The following HDAC1 variants were observed in gnomAD, a reference collection of about 807,000 sequenced individuals.
HDAC1 encodes protein deacetylase HDAC1.
Under a neutral mutation model 65.5 loss-of-function variants are expected in HDAC1, and 18 were observed. That is an observed-to-expected ratio of 0.27 (90% confidence interval 0.19 to 0.41). The LOEUF (loss-of-function observed/expected upper bound fraction) is 0.41, where lower values mean the gene tolerates loss of function less well. Ranked by LOEUF, HDAC1 falls within the 10% of genes least tolerant of loss-of-function variation. The pLI is 1.00. For missense variants in HDAC1, 373 were observed against 625.2 expected (o/e 0.60, Z 4.30); for synonymous variants, 211 against 227.9 (o/e 0.93, Z 0.67).
intron 1 of HDAC1, among the ~76,000 whole-genome samples, chr1:32,300,553 G>A (rs769297453): frequency 4.6e-5 from 7 of 151,600 alleles, no homozygotes; most frequent in East Asian, 1.9e-4. Flanking sequence ...GTGAGACTCC[G>A]TCTCAAGAAA....
Position 32,327,002 on chromosome 1 carries a change from A to G in HDAC1, c.419A>G (p.His140Arg). The G allele has an allele frequency of 6.2e-7, 1 of 1,614,178 alleles. No homozygotes were observed. Among genetic ancestry groups the G allele is most frequent in the Non-Finnish European group, 8.5e-7 (1 of 1,180,024 alleles). The change falls in exon 5 of 14, where the codon CAC becomes CGC. Residue 140 changes from histidine (H) to arginine (R), a missense_variant. Transcript: ENST00000373548. The surrounding 1 kb of genome is among the most constrained non-coding windows in gnomAD (Gnocchi z 6.0). ...GCTGTGAATTGGGCTGGGGGCCTGCACCATGCAAAGAAGTCCGAGGCATCT... is the reference window on the plus strand; with the variant it reads ...GCTGTGAATTGGGCTGGGGGCCTGCGCCATGCAAAGAAGTCCGAGGCATCT... The part of the protein sequence containing the change: ...DIAVNWAGGL[H>R]HAKKSEASGF...
Position 32,324,460 on chromosome 1 carries a change from T to A in HDAC1, c.281-19T>A, listed in dbSNP as rs567913350. ...TAAAGGAAATTGTGGAAACTAACCTTTTGCTTATTTCTTTCAAGTCAACGT... is the reference window on the plus strand; with the variant it reads ...TAAAGGAAATTGTGGAAACTAACCTATTGCTTATTTCTTTCAAGTCAACGT... On this transcript the variant is annotated intron_variant, in intron 3 of 13. Transcript: ENST00000373548. 1 of 1,575,592 alleles carries A rather than the reference T, an allele frequency of 6.3e-7. No individual in the cohort carries two copies. The highest frequency in any genetic ancestry group is 2.2e-5 in the East Asian group (1 of 44,694).
chr1:32,327,369 T>C lies in HDAC1; in HGVS notation c.495-167T>C, dbSNP rs554049286. 1.5e-5 allele frequency: 10 copies of C among 665,884 alleles called. No homozygotes were observed. The South Asian group carries it at 1.8e-4, about 12-fold the overall frequency. 41.2% of individuals were successfully genotyped at this position (665,884 alleles called of 1,614,324 possible). On this transcript the variant is annotated intron_variant, in intron 5 of 13. Coordinates refer to ENST00000373548, the MANE Select transcript of HDAC1 (RefSeq NM_004964.3). This position sits in a 1 kb window ranked among gnomAD's most constrained non-coding sequence, Gnocchi z 6.0. ...CGGACTTGGTCGGCTTGGTCAGGCC[T>C]CTGGAGACACCCGGCCGCTCTTCCA...
chr1:32,319,017 G>A (rs919526589), intron 3 of HDAC1, among the ~76,000 whole-genome samples: 1 of 152,130 alleles, frequency 6.6e-6, no homozygotes, highest in Admixed American at 6.6e-5. Context: ...TACTCAGGAG[G>A]CTGAGGCAGG....
chr1:32,330,616 G>T lies in HDAC1; in HGVS notation c.768G>T (p.Ala256=). The T allele has an allele frequency of 6.2e-7, 1 of 1,613,888 alleles. No homozygotes were observed. The highest frequency in any genetic ancestry group is 8.5e-7 in the Non-Finnish European group (1 of 1,179,784). The part of the protein sequence containing the change: ...SKVMEMFQPS[A]VVLQCGSDSL... The stretch of plus-strand genomic sequence containing the variant: ...TAATGGAGATGTTCCAGCCTAGTGC[G>T]GTGGTCTTACAGTGTGGCTCAGACT... The change falls in exon 8 of 14, where the codon GCG becomes GCT. Residue 256 remains alanine (A), a synonymous_variant. Transcript: ENST00000373548. The surrounding 1 kb of genome is among the most constrained non-coding windows in gnomAD (Gnocchi z 4.2).
At position 32,329,340 on chromosome 1, in the gene HDAC1, G is replaced by A. The variant is rs1641261012; in HGVS notation, c.729+180G>A. 1.3e-5 allele frequency: 8 copies of A among 612,938 alleles called. No homozygotes were observed. In the Admixed American group the frequency reaches 2.2e-4, roughly 17 times the overall value. 38.0% of individuals were successfully genotyped at this position (612,938 alleles called of 1,614,324 possible). A position where few individuals can be genotyped will look rare whatever the true frequency, so the allele number is the denominator to read the frequency against. On this transcript the variant is annotated intron_variant, in intron 7 of 13. Coordinates refer to ENST00000373548, the MANE Select transcript of HDAC1 (RefSeq NM_004964.3). The surrounding 1 kb of genome is among the most constrained non-coding windows in gnomAD (Gnocchi z 4.1). ...AGGGGAACAAACACCCATATTTATT[G>A]GTTCCTTCTATGGGTCAGGTCTTCT...
In HDAC1 at chr1:32,327,416, C is replaced by T. The variant is rs935580505; in HGVS notation, c.495-120C>T. The T allele has an allele frequency of 1.8e-5, 14 of 790,268 alleles. No individual in the cohort carries two copies. Among genetic ancestry groups the T allele is most frequent in the Admixed American group, 6.3e-5 (3 of 47,992 alleles). The allele number at this position is 790,268 out of a possible 1,614,324, so 49.0% of individuals were successfully genotyped here. A position where few individuals can be genotyped will look rare whatever the true frequency, so the allele number is the denominator to read the frequency against. Reference sequence around the variant, plus strand: ...TCCACCTTCCTTCAGCCAGTTTCCACGTCTCTGGTGCTTAGAGATACCTGA... The same window carrying T: ...TCCACCTTCCTTCAGCCAGTTTCCATGTCTCTGGTGCTTAGAGATACCTGA... On this transcript the variant is annotated intron_variant, in intron 5 of 13. Coordinates refer to ENST00000373548, the MANE Select transcript of HDAC1 (RefSeq NM_004964.3). This position sits in a 1 kb window ranked among gnomAD's most constrained non-coding sequence, Gnocchi z 6.0.
intron 2 of HDAC1, among the ~76,000 whole-genome samples, chr1:32,314,641 A>G (rs1353439457): frequency 1.3e-5 from 2 of 152,026 alleles, no homozygotes; most frequent in Non-Finnish European, 2.9e-5. Flanking sequence ...CCTGGCTAAC[A>G]TGGTGAAACC....
At position 32,330,263 on chromosome 1, in the gene HDAC1, G is replaced by A. The variant is rs183596450; in HGVS notation, c.730-315G>A. 6 of 347,592 alleles carry A rather than the reference G, an allele frequency of 1.7e-5. No individual in the cohort carries two copies. The highest frequency in any genetic ancestry group is 2.7e-5 in the Non-Finnish European group (5 of 183,986). The allele number at this position is 347,592 out of a possible 1,614,324, so 21.5% of individuals were successfully genotyped here. ...ATGAGTAGAGTAGATGCAGCTAAAG[G>A]TCAGGAAGGCTTCCTGGAGGAAGTG... On this transcript the variant is annotated intron_variant, in intron 7 of 13. Transcript: ENST00000373548. This position sits in a 1 kb window ranked among gnomAD's most constrained non-coding sequence, Gnocchi z 4.2.
At chr1:32,299,718 A>G (rs1187884803) in intron 1 of HDAC1, among the ~76,000 whole-genome samples, 3 of 152,082 alleles carry the variant, frequency 2.0e-5, no homozygotes, top group Non-Finnish European at 4.4e-5. Flanking sequence ...AGGTAGACTT[A>G]TAGAGCCCTC....
chr1:32,332,059 CCT>C (rs1350472742), intron 11 of HDAC1, 29 bp from the exon 12 acceptor site: 1 of 1,547,558 alleles, frequency 6.5e-7, no homozygotes, highest in African/African-American at 1.4e-5. Flanking sequence ...ACCCGCCTGC[CCT>C]CTCACCCATG....
intron 2 of HDAC1, among the ~76,000 whole-genome samples, chr1:32,316,424 T>A (rs1217894457): frequency 6.6e-6 from 1 of 152,258 alleles, no homozygotes; most frequent in African/African-American, 2.4e-5. Context: ...CAAGAGACAG[T>A]AACTTGCCTA....
At chr1:32,318,857 G>A (rs371506161) in intron 3 of HDAC1, among the ~76,000 whole-genome samples, 1 of 152,106 alleles carries the variant, frequency 6.6e-6, no homozygotes, top group Non-Finnish European at 1.5e-5. Flanking sequence ...GGTGGCTTAC[G>A]CCTGTAATCC....
rs758088228 is a variant in HDAC1, at chr1:32,329,885, AGCAGAAGT to A, written c.730-687_730-680del. On this transcript the variant is annotated intron_variant, in intron 7 of 13. Transcript: ENST00000373548. The surrounding 1 kb of genome is among the most constrained non-coding windows in gnomAD (Gnocchi z 4.1). Reference sequence around the variant, plus strand: ...GGCATTTAGTAGAAGGAATGGCACTAGCAGAAGTGCAGAGGTGCCAGTGTGGCAGCATG... The same window carrying A: ...GGCATTTAGTAGAAGGAATGGCACTAGCAGAGGTGCCAGTGTGGCAGCATG... The A allele has an allele frequency of 2.5e-5, 4 of 157,106 alleles. No individual in the cohort carries two copies. Among genetic ancestry groups the A allele is most frequent in the Non-Finnish European group, 4.2e-5 (3 of 70,818 alleles). The allele number at this position is 157,106 out of a possible 1,614,324, so 9.7% of individuals were successfully genotyped here.
At chr1:32,315,061 G>A (rs1039097457) in intron 2 of HDAC1, among the ~76,000 whole-genome samples, 5 of 152,108 alleles carry the variant, frequency 3.3e-5, no homozygotes, top group Non-Finnish European at 7.4e-5. Flanking sequence ...GACTTTTGTT[G>A]TATTGGTAAT....
rs1641300533 is a variant in HDAC1 at position 32,332,096 on chromosome 1, C to T, written c.1226C>T (p.Ser409Phe). The T allele has an allele frequency of 1.3e-6, 2 of 1,599,456 alleles. No individual in the cohort carries two copies. The highest frequency in any genetic ancestry group is 1.7e-6 in the Non-Finnish European group (2 of 1,173,428). Residue 409 changes from serine (S) to phenylalanine (F), a missense_variant, in exon 12 of 14, where the codon TCC becomes TTC. Around this residue, in one of 4 missense-constraint regions of HDAC1, gnomAD observed 126 missense variants for 126.2 expected, o/e 1.00. Coordinates refer to ENST00000373548, the MANE Select transcript of HDAC1 (RefSeq NM_004964.3). ...DDPDKRISIC[S>F]SDKRIACEEE... ...GCTTCCCACTCCCTCCCAGTCTGCT[C>T]CTCTGACAAACGAATTGCCTGTGAG...
chr1:32,294,580 C>T (rs1401149599), intron 1 of HDAC1, among the ~76,000 whole-genome samples: 6 of 148,298 alleles, frequency 4.0e-5, no homozygotes, highest in African/African-American at 7.5e-5. Context: ...GGCGCAATCT[C>T]GGCTCACTGC....
rs1051123350 is a variant in HDAC1, at chr1:32,329,413, T to A, written c.729+253T>A. 5.2e-6 allele frequency: 3 copies of A among 579,004 alleles called. No individual in the cohort carries two copies. Among genetic ancestry groups the A allele is most frequent in the Non-Finnish European group, 9.3e-6 (3 of 323,302 alleles). 35.9% of individuals were successfully genotyped at this position (579,004 alleles called of 1,614,324 possible). On this transcript the variant is annotated intron_variant, in intron 7 of 13. Transcript: ENST00000373548. The surrounding 1 kb of genome is among the most constrained non-coding windows in gnomAD (Gnocchi z 4.1). ...ACATGATCTTTGCCCTCACGGACTA[T>A]GGTGGGGAAGGCAGGCACATACCCA...
intron 1 of HDAC1, among the ~76,000 whole-genome samples, chr1:32,301,702 G>A (rs1640851042): frequency 1.3e-5 from 2 of 152,024 alleles, no homozygotes; most frequent in Middle Eastern, 3.2e-3. Flanking sequence ...CCCAGGAGGC[G>A]AAGGTTGCAG....
Sources: gnomAD v4.1 joint callset for allele counts (sites outside exome capture counted in the v4.1 genomes callset) on GRCh38, gnomAD v4.1.1 for gene constraint, gnomAD v4.1.1 regional missense constraint, Gnocchi (gnomAD v3.1) non-coding constraint, MANE v1.5 for transcripts, NCBI Gene and HGNC (gene_info 2026-07-23, HGNC 2026-07-21) for gene names.